The following ROBO1 variants were observed in gnomAD, a reference collection of about 807,000 sequenced individuals.
The protein encoded by ROBO1 is roundabout guidance receptor 1, also known as roundabout homolog 1.
ROBO1 carries 149 observed loss-of-function variants against 195.9 expected under a neutral mutation model. The observed-to-expected ratio is 0.76, with a 90% CI of 0.67 to 0.87. The LOEUF (loss-of-function observed/expected upper bound fraction) is 0.87, where lower values mean the gene tolerates loss of function less well. ROBO1 is among the 40% of genes least tolerant of loss of function. ROBO1 has a pLI of 0.00. For synonymous variants in ROBO1, 816 were observed against 733.2 expected (o/e 1.11, Z -1.82); for missense variants, 1,933 against 2,068.3 (o/e 0.93, Z 1.27).
intron 1 of ROBO1, among the ~76,000 whole-genome samples, chr3:79,740,740 C>A (rs1215519578): frequency 1.3e-5 from 2 of 152,112 alleles, no homozygotes; most frequent in Non-Finnish European, 2.9e-5. Flanking sequence ...GACACAGAAC[C>A]AAAGCATATC....
chr3:78,962,844 A>C (rs1055944157), intron 3 of ROBO1, among the ~76,000 whole-genome samples: 2 of 150,750 alleles, frequency 1.3e-5, no homozygotes, highest in African/African-American at 2.5e-5. Flanking sequence ...AAAAAAAAAA[A>C]AAAAACTTTT....
rs188683180 is a variant in ROBO1, at chr3:79,408,214, G to A, written c.88+181610C>T. 5.9e-4 allele frequency among the ~76,000 whole-genome samples: 86 copies of A among 146,598 alleles called. 1 individual carries two copies. Among genetic ancestry groups the A allele is most frequent in the African/African-American group, 1.8e-3 (73 of 40,338 alleles). ...GTCTGGTCAACAAGAGTGAAATTCC[G>A]TCTCAAAAAAATAAAAAAAATAAAA... is the stretch of plus-strand genomic sequence containing the variant. On this transcript the variant is annotated intron_variant, in intron 2 of 30. Transcript: ENST00000464233.
chr3:78,712,654 G>A (rs10049014), intron 8 of ROBO1, among the ~76,000 whole-genome samples: 45,292 of 151,880 alleles, frequency 0.3, 7,286 homozygotes, highest in African/African-American at 0.42. Context: ...AAAACACAAC[G>A]CAGTTGAAAT....
At chr3:79,451,843 T>C (rs771564590) in intron 2 of ROBO1, among the ~76,000 whole-genome samples, 1 of 151,970 alleles carries the variant, frequency 6.6e-6, no homozygotes, top group South Asian at 2.1e-4. Context: ...GGTCTTGCTG[T>C]AAACAATGAT....
chr3:79,214,732 C>CTA (rs146267040), intron 2 of ROBO1, among the ~76,000 whole-genome samples: 2,775 of 142,380 alleles, frequency 0.019, 51 homozygotes, highest in Middle Eastern at 0.03. Flanking sequence ...TATATATTTG[C>CTA]TATATATATA....
intron 1 of ROBO1, among the ~76,000 whole-genome samples, chr3:79,590,692 A>G (rs984121767): frequency 2.1e-4 from 32 of 151,806 alleles, no homozygotes; most frequent in African/African-American, 7.5e-4. Flanking sequence ...ATAATATCCA[A>G]TAAGTGGAAA....
chr3:79,177,254 G>A (rs1032802866), intron 2 of ROBO1, among the ~76,000 whole-genome samples: 3 of 152,248 alleles, frequency 2.0e-5, no homozygotes, highest in Admixed American at 1.3e-4. Context: ...GCAAATACAG[G>A]GTTGTGTCCA....
chr3:79,472,464 A>T (rs9854981), intron 2 of ROBO1, among the ~76,000 whole-genome samples: 8,297 of 152,164 alleles, frequency 0.055, 742 homozygotes, highest in African/African-American at 0.19. Flanking sequence ...ATTTTACCAT[A>T]CTAGGATATA....
At chr3:79,038,777 T>C (rs1403640833) in intron 3 of ROBO1, among the ~76,000 whole-genome samples, 1 of 151,996 alleles carries the variant, frequency 6.6e-6, no homozygotes, top group Non-Finnish European at 1.5e-5. Flanking sequence ...CAAATGACTT[T>C]CTCAATATGA....
intron 4 of ROBO1, among the ~76,000 whole-genome samples, chr3:78,932,407 G>T (rs530718910): frequency 6.6e-6 from 1 of 152,210 alleles, no homozygotes; most frequent in South Asian, 2.1e-4. Context: ...TACTTTTCAA[G>T]AAAATAAAAG....
intron 4 of ROBO1, among the ~76,000 whole-genome samples, chr3:78,924,800 G>A (rs1159094097): frequency 1.3e-5 from 2 of 152,010 alleles, no homozygotes; most frequent in Non-Finnish European, 2.9e-5. Context: ...TGAATTTTGT[G>A]TCTCACTTTA....
intron 2 of ROBO1, among the ~76,000 whole-genome samples, chr3:79,148,764 T>C (rs1359651077): frequency 2.0e-5 from 3 of 151,910 alleles, no homozygotes; most frequent in Non-Finnish European, 2.9e-5. Flanking sequence ...TCATACTCAT[T>C]CCTAACATGG....
intron 4 of ROBO1, among the ~76,000 whole-genome samples, chr3:78,760,358 T>G (rs1369201213): frequency 6.6e-6 from 1 of 152,170 alleles, no homozygotes; most frequent in Non-Finnish European, 1.5e-5. Context: ...TTATGTATAA[T>G]TTTAGGTAAT....
At chr3:79,263,824 A>G (rs939424460) in intron 2 of ROBO1, among the ~76,000 whole-genome samples, 1 of 152,058 alleles carries the variant, frequency 6.6e-6, no homozygotes, top group Non-Finnish European at 1.5e-5. Flanking sequence ...ATAGTTTACT[A>G]ACATCCTCTA....
chr3:78,883,902 G>T (rs1364306872), intron 4 of ROBO1, among the ~76,000 whole-genome samples: 1 of 152,102 alleles, frequency 6.6e-6, no homozygotes, highest in African/African-American at 2.4e-5. Context: ...GAATAAAAGG[G>T]CCAGCCCAAT....
At chr3:78,882,899 G>A (rs1404760756) in intron 4 of ROBO1, among the ~76,000 whole-genome samples, 8 of 145,754 alleles carry the variant, frequency 5.5e-5, no homozygotes, top group East Asian at 4.1e-4. Context: ...TGCAATCTCC[G>A]CCTCCCAGGT....
chr3:78,767,732 C>T (rs1678623951), intron 4 of ROBO1, among the ~76,000 whole-genome samples: 1 of 152,252 alleles, frequency 6.6e-6, no homozygotes, highest in African/African-American at 2.4e-5. Flanking sequence ...ATAGTAACCT[C>T]AAATGATCTT....
At chr3:78,949,217 A>G (rs1480222584) in intron 3 of ROBO1, among the ~76,000 whole-genome samples, 1 of 130,270 alleles carries the variant, frequency 7.7e-6, no homozygotes, top group Non-Finnish European at 1.6e-5. Context: ...ATCCTAAGCC[A>G]AAAGAACAAA....
intron 1 of ROBO1, among the ~76,000 whole-genome samples, chr3:79,597,096 TTAA>T (rs1421879079): frequency 3.3e-5 from 5 of 151,542 alleles, no homozygotes; most frequent in Non-Finnish European, 7.4e-5. Context: ...AATGGAAAAC[TTAA>T]TAAGTGTGTG....
Sources: allele counts gnomAD v4.1 joint callset (sites outside exome capture counted in the v4.1 genomes callset), GRCh38; gene constraint gnomAD v4.1.1; transcripts MANE v1.5; gene names NCBI Gene and HGNC (gene_info 2026-07-23, HGNC 2026-07-21).